COQ10B: variants seen among roughly 807,000 people sequenced by gnomAD.
COQ10B encodes coenzyme Q-binding protein COQ10 homolog B, mitochondrial.
A neutral mutation model predicts 27.6 loss-of-function variants in COQ10B; 12 were observed. That is an observed-to-expected ratio of 0.43 (90% CI 0.28 to 0.70). The LOEUF is 0.70. COQ10B is among the 30% of genes least tolerant of loss of function. COQ10B has a pLI of 0.17. For missense variants in COQ10B, 278 were observed against 288.7 expected (o/e 0.96, Z 0.27); for synonymous variants, 115 against 103.0 (o/e 1.12, Z -0.71).
At chr2:197,473,255 TA>T (rs1442671292) in intron 4 of COQ10B, among the ~76,000 whole-genome samples, 1 of 150,768 alleles carries the variant, frequency 6.6e-6, no homozygotes, top group African/African-American at 2.4e-5. Flanking sequence ...AGATTTAGTT[TA>T]AAAAAAATCT....
chr2:197,473,830 T>C lies in COQ10B; in HGVS notation c.623T>C (p.Met208Thr), dbSNP rs1423381170. Reference sequence around the variant, plus strand: ...TTTTTTGATGAAGTTGTGAAGCAGATGGTAGCTGCCTTTGAAAGAAGAGCA... The same window carrying C: ...TTTTTTGATGAAGTTGTGAAGCAGACGGTAGCTGCCTTTGAAAGAAGAGCA... ...TLFFDEVVKQ[M>T]VAAFERRACK... Residue 208 changes from methionine to threonine, a missense_variant, in exon 5 of 5, where the codon ATG (methionine) becomes ACG (threonine). Met to Thr is a moderately conservative substitution (Grantham distance 81). Coordinates refer to ENST00000263960, the MANE Select transcript of COQ10B (RefSeq NM_025147.5). 6 of 1,604,380 alleles carry C rather than the reference T, an allele frequency of 3.7e-6. No homozygotes were observed. Among genetic ancestry groups the C allele is most frequent in the Non-Finnish European group, 5.1e-6 (6 of 1,173,594 alleles).
rs1361459948 is a variant in COQ10B at position 197,463,988 on chromosome 2, TATATATATACACAC to T, written c.447+1259_447+1272del. 2.8e-4 allele frequency among the ~76,000 whole-genome samples: 23 copies of T among 81,534 alleles called. 1 individual carries two copies. Among genetic ancestry groups the T allele is most frequent in the African/African-American group, 9.8e-4 (20 of 20,338 alleles). The allele number at this position is 81,534 out of a possible 152,430, so 53.5% of individuals were successfully genotyped here. On this transcript the variant is annotated intron_variant, in intron 3 of 4. Coordinates refer to ENST00000263960, the MANE Select transcript of COQ10B (RefSeq NM_025147.5). ...AAATATATATATATATATATATATA[TATATATATACACAC>T]ACACACACACACACACACACACACA... is the stretch of plus-strand genomic sequence containing the variant.
chr2:197,460,393 G>T (rs1027543952), intron 2 of COQ10B, among the ~76,000 whole-genome samples: 1 of 151,872 alleles, frequency 6.6e-6, no homozygotes, highest in African/African-American at 2.4e-5. Context: ...GGGTTTCACT[G>T]TGTTGGCCAG....
At chr2:197,454,323 C>G in intron 1 of COQ10B, 4 of 514,956 alleles carry the variant, frequency 7.8e-6, no homozygotes, top group Non-Finnish European at 1.4e-5. Context: ...ACTTAGTTTC[C>G]TTTTACTAAT....
In COQ10B at chr2:197,462,697, C is replaced by T; in HGVS notation, c.413C>T (p.Ser138Leu). 1 of 1,561,968 alleles carries T rather than the reference C, an allele frequency of 6.4e-7. No homozygotes were observed. ...CCACCTGTGTTGGAGCGATATACATCAGTAGTAACCTTGGTGAAACCTCAT... is the reference window on the plus strand; with the variant it reads ...CCACCTGTGTTGGAGCGATATACATTAGTAGTAACCTTGGTGAAACCTCAT... ...GFPPVLERYTSVVTLVKPHLV... is the reference protein window; with the variant it reads ...GFPPVLERYTLVVTLVKPHLV... Residue 138 changes from serine (S) to leucine (L), a missense_variant, in exon 3 of 5, where the codon TCA becomes TTA. By Grantham distance (145) the Ser-to-Leu change is moderately radical. Around this residue, in one of 3 missense-constraint regions of COQ10B, gnomAD observed 12 missense variants for 26.0 expected, o/e 0.46. Transcript: ENST00000263960.
intron 3 of COQ10B, among the ~76,000 whole-genome samples, chr2:197,465,956 G>T (rs559665757): frequency 1.1e-4 from 17 of 152,114 alleles, no homozygotes; most frequent in Non-Finnish European, 2.5e-4. Flanking sequence ...GCCAGGCGTG[G>T]TGGTGAGTGC....
At chr2:197,461,559 CTGTGTGTGTGTGTG>C (rs60261177) in intron 2 of COQ10B, among the ~76,000 whole-genome samples, 23 of 139,866 alleles carry the variant, frequency 1.6e-4, no homozygotes, top group Non-Finnish European at 2.6e-4. Flanking sequence ...CTGATTTAGT[CTGTGTGTGTGTGTG>C]TGTGTGTGTG....
In COQ10B at chr2:197,462,610, A is replaced by G. The variant is rs766918162; in HGVS notation, c.326A>G (p.Lys109Arg). 1.3e-6 allele frequency: 2 copies of G among 1,599,852 alleles called. No individual in the cohort carries two copies. Among genetic ancestry groups the G allele is most frequent in the Non-Finnish European group, 1.7e-6 (2 of 1,170,834 alleles). ...TACAAGCATTTTGTTCCTTGGTGCA[A>G]AAAATCAGATGTTATATCAAAGAGA... ...EDYKHFVPWC[K>R]KSDVISKRSG... Residue 109 changes from lysine (K) to arginine (R), a missense_variant, in exon 3 of 5, where the codon AAA becomes AGA. Coordinates refer to ENST00000263960, the MANE Select transcript of COQ10B (RefSeq NM_025147.5).
In COQ10B at chr2:197,454,065, C is replaced by G. The variant is rs541277171; in HGVS notation, c.104+401C>G. 22 of 1,551,104 alleles carry G rather than the reference C, an allele frequency of 1.4e-5. 1 individual carries two copies. The highest frequency in any genetic ancestry group is 1.7e-4 in the Middle Eastern group (1 of 6,018). On this transcript the variant is annotated intron_variant, in intron 1 of 4. Transcript: ENST00000263960. ...GTGTTTGGCGGTGAGCCCCCTTCTC[C>G]GGTTCCTTCTACCTGCCAGATGGTC...
chr2:197,463,095 A>G (rs372842804), intron 3 of COQ10B, among the ~76,000 whole-genome samples: 1 of 152,160 alleles, frequency 6.6e-6, no homozygotes, highest in Non-Finnish European at 1.5e-5. Flanking sequence ...TTTGTTTACT[A>G]AATATATAGT....
intron 3 of COQ10B, 117 bp from the exon 4 acceptor site, chr2:197,469,953 C>G (rs1191910908): frequency 1.6e-6 from 1 of 613,776 alleles, no homozygotes; most frequent in East Asian, 2.9e-5. Context: ...CTCCTATGGT[C>G]TGACCTATAA....
chr2:197,474,030 A>G lies in COQ10B; in HGVS notation c.*106A>G. 1.1e-6 allele frequency: 1 copy of G among 889,458 alleles called. No individual in the cohort carries two copies. The highest frequency in any genetic ancestry group is 1.6e-6 in the Non-Finnish European group (1 of 630,500). The allele number at this position is 889,458 out of a possible 1,614,324, so 55.1% of individuals were successfully genotyped here. On this transcript the variant is annotated 3_prime_UTR_variant, in exon 5 of 5. Coordinates refer to ENST00000263960, the MANE Select transcript of COQ10B (RefSeq NM_025147.5). ...AAGCCAGAAAGCATTTGTTAAACGCAGCTTTGGTTATAAACCTGCACCATT... is the reference window on the plus strand; with the variant it reads ...AAGCCAGAAAGCATTTGTTAAACGCGGCTTTGGTTATAAACCTGCACCATT...
chr2:197,461,657 G>C (rs1429337656), intron 2 of COQ10B, among the ~76,000 whole-genome samples: 2 of 141,758 alleles, frequency 1.4e-5, no homozygotes, highest in East Asian at 2.2e-4. Context: ...GAGAGAGAGA[G>C]AGAGAGAGGT....
At chr2:197,454,051 T>C in intron 1 of COQ10B, 1 of 1,551,262 alleles carries the variant, frequency 6.4e-7, no homozygotes, top group South Asian at 1.2e-5. Context: ...TGTTTGGCGG[T>C]GAGCCCCCTT....
At chr2:197,454,748 C>T (rs952379405) in intron 1 of COQ10B, among the ~76,000 whole-genome samples, 3 of 152,108 alleles carry the variant, frequency 2.0e-5, no homozygotes, top group African/African-American at 7.2e-5. Context: ...CAAATTGAGG[C>T]TTCAGTTCCA....
intron 4 of COQ10B, among the ~76,000 whole-genome samples, chr2:197,473,411 AAAAAAT>A (rs1340123774): frequency 1.6e-5 from 1 of 61,186 alleles, no homozygotes; most frequent in African/African-American, 6.5e-5. Context: ...ACAAAAAAAA[AAAAAAT>A]ATATATATAT....
rs763900263 is a variant in COQ10B, at chr2:197,464,418, C to G, written c.447+1687C>G. Among the ~76,000 whole-genome samples, 7 of 152,088 alleles carry G rather than the reference C, an allele frequency of 4.6e-5. No individual in the cohort carries two copies. The East Asian group carries it at 5.8e-4, about 13-fold the overall frequency. ...GTTAGGCATTGAAGGGGGTGCAGCT[C>G]TCAGATGTGCTCTTTCTGGTGCAGC... On this transcript the variant is annotated intron_variant, in intron 3 of 4. Transcript: ENST00000263960.
At chr2:197,473,498 A>ATATATACGTATGTATATACGTG (rs1559296131) in intron 4 of COQ10B, among the ~76,000 whole-genome samples, 4 of 129,360 alleles carry the variant, frequency 3.1e-5, no homozygotes, top group Admixed American at 2.6e-4. Flanking sequence ...GTATATACGT[A>ATATATACGTATGTATATACGTG]TATATATACG....
chr2:197,474,256 GGTTA>G lies in COQ10B; in HGVS notation c.*337_*340del, dbSNP rs1418466754. ...TTTAATTATCACCTTACCTGAAAGA[GGTTA>G]GTTAAGATATTCACACAGTATGTAT... On this transcript the variant is annotated 3_prime_UTR_variant, in exon 5 of 5. Transcript: ENST00000263960. 12 of 176,822 alleles carry G rather than the reference GGTTA, an allele frequency of 6.8e-5. No homozygotes were observed. In the South Asian group the frequency reaches 7.8e-4, roughly 11 times the overall value. 11.0% of individuals were successfully genotyped at this position (176,822 alleles called of 1,614,324 possible).
Sources: allele counts gnomAD v4.1 joint callset (sites outside exome capture counted in the v4.1 genomes callset), GRCh38; gene constraint gnomAD v4.1.1; regional missense constraint gnomAD v4.1.1; transcripts MANE v1.5; gene names NCBI Gene and HGNC (gene_info 2026-07-23, HGNC 2026-07-21).